The following NME7 variants were observed in gnomAD, a reference collection of about 807,000 sequenced individuals.
NME7 encodes nucleoside diphosphate kinase 7.
A neutral mutation model predicts 49.1 loss-of-function variants in NME7; 41 were observed. The observed-to-expected ratio is 0.83, with a 90% CI of 0.65 to 1.08. The LOEUF (loss-of-function observed/expected upper bound fraction) is 1.08. Ranked by LOEUF, NME7 falls within the 50% of genes least tolerant of loss-of-function variation. The pLI, the probability that NME7 is intolerant of heterozygous loss-of-function variation, is 0.00. For synonymous variants in NME7, 139 were observed against 150.6 expected (o/e 0.92, Z 0.56); for missense variants, 423 against 463.4 (o/e 0.91, Z 0.80).
At chr1:169,136,929 T>G (rs779431127) in intron 11 of NME7, among the ~76,000 whole-genome samples, 1 of 152,228 alleles carries the variant, frequency 6.6e-6, no homozygotes, top group Non-Finnish European at 1.5e-5. Context: ...CAGAAATGCC[T>G]ATGGAGTTAT....
intron 10 of NME7, among the ~76,000 whole-genome samples, chr1:169,215,445 G>C (rs1216739108): frequency 1.3e-5 from 2 of 152,196 alleles, no homozygotes; most frequent in African/African-American, 4.8e-5. Context: ...CGGGTTTCAG[G>C]TTTTTTGGCT....
At chr1:169,309,072 C>A (rs1251181821) in intron 4 of NME7, among the ~76,000 whole-genome samples, 3 of 152,030 alleles carry the variant, frequency 2.0e-5, no homozygotes, top group Non-Finnish European at 4.4e-5. Context: ...AATTATCAAG[C>A]ACTGGTGTTA....
intron 4 of NME7, among the ~76,000 whole-genome samples, chr1:169,304,805 A>G (rs978706145): frequency 6.6e-6 from 1 of 152,192 alleles, no homozygotes; most frequent in Non-Finnish European, 1.5e-5. Flanking sequence ...TGCTCTTGCT[A>G]CTACTAACTG....
intron 9 of NME7, among the ~76,000 whole-genome samples, chr1:169,231,074 A>C (rs1186538877): frequency 6.6e-6 from 1 of 152,160 alleles, no homozygotes; most frequent in Non-Finnish European, 1.5e-5. Flanking sequence ...ATTTGGAATG[A>C]TCTTCTAGTA....
chr1:169,228,041 TACACACACAC>T (rs72257273), intron 10 of NME7, among the ~76,000 whole-genome samples: 10 of 147,128 alleles, frequency 6.8e-5, no homozygotes, highest in Non-Finnish European at 1.0e-4. Flanking sequence ...TATGTGTGTA[TACACACACAC>T]ACACACACAC....
intron 11 of NME7, among the ~76,000 whole-genome samples, chr1:169,150,030 G>T (rs1658864675): frequency 1.3e-5 from 2 of 152,040 alleles, no homozygotes; most frequent in Admixed American, 1.3e-4. Context: ...TTTATTAGCT[G>T]GGCATGGTGG....
rs376063969 is a variant in NME7 at position 169,275,403 on chromosome 1, C to T, written c.754+11900G>A. 2.9e-3 allele frequency among the ~76,000 whole-genome samples: 341 copies of T among 116,982 alleles called. 34 individuals are homozygous for T. The highest frequency in any genetic ancestry group is 8.3e-3 in the African/African-American group (289 of 34,854). 76.7% of individuals were successfully genotyped at this position (116,982 alleles called of 152,430 possible). On this transcript the variant is annotated intron_variant, in intron 7 of 11. Coordinates refer to ENST00000367811, the MANE Select transcript of NME7 (RefSeq NM_013330.5). ...CTGAGGCAGGAGAATGGCGTGAACC[C>T]GGGAGGCGGAGCTTGCAGTGAGTCG...
chr1:169,288,940 A>C (rs183238379), intron 6 of NME7, among the ~76,000 whole-genome samples: 65 of 152,262 alleles, frequency 4.3e-4, no homozygotes, highest in Non-Finnish European at 8.8e-4. Flanking sequence ...ATAGAGTAGC[A>C]AACTAGAAAG....
chr1:169,354,141 C>G (rs991474310), intron 1 of NME7, among the ~76,000 whole-genome samples: 2 of 152,078 alleles, frequency 1.3e-5, no homozygotes, highest in Non-Finnish European at 2.9e-5. Flanking sequence ...AATTTGGAAG[C>G]AACCTAAGTG....
intron 10 of NME7, among the ~76,000 whole-genome samples, chr1:169,189,512 T>C (rs1038842654): frequency 3.9e-5 from 6 of 152,278 alleles, no homozygotes; most frequent in African/African-American, 1.4e-4. Context: ...AATTCAGCTT[T>C]CGCAACAGGA....
At chr1:169,211,002 T>A (rs965878754) in intron 10 of NME7, among the ~76,000 whole-genome samples, 9 of 149,514 alleles carry the variant, frequency 6.0e-5, no homozygotes, top group South Asian at 2.1e-4. Context: ...TTTTTTTTTT[T>A]AATTTTTCTT....
At chr1:169,243,919 T>A (rs1335503714) in intron 7 of NME7, among the ~76,000 whole-genome samples, 1 of 152,144 alleles carries the variant, frequency 6.6e-6, no homozygotes, top group East Asian at 1.9e-4. Flanking sequence ...AACTAGTAAG[T>A]GATAGAACTG....
chr1:169,181,987 C>A (rs145726328), intron 10 of NME7, among the ~76,000 whole-genome samples: 1 of 152,038 alleles, frequency 6.6e-6, no homozygotes, highest in Non-Finnish European at 1.5e-5. Flanking sequence ...CAATTTCATT[C>A]ACTACTATCA....
At chr1:169,202,339 AC>A (rs1557985732) in intron 10 of NME7, among the ~76,000 whole-genome samples, 3 of 151,540 alleles carry the variant, frequency 2.0e-5, no homozygotes, top group Admixed American at 2.0e-4. Context: ...AGTGTATGGC[AC>A]CCCCCTCCCC....
chr1:169,301,392 A>T (rs1429450352), intron 5 of NME7, among the ~76,000 whole-genome samples: 2 of 152,214 alleles, frequency 1.3e-5, no homozygotes, highest in Non-Finnish European at 2.9e-5. Flanking sequence ...CACACCAGTC[A>T]GAATGGTTAT....
chr1:169,240,709 ATTCAT>A (rs144859786), intron 7 of NME7, among the ~76,000 whole-genome samples: 15,596 of 151,978 alleles, frequency 0.1, 833 homozygotes, highest in Admixed American at 0.12. Flanking sequence ...CCAAATGCTG[ATTCAT>A]TTCATTATAC....
intron 7 of NME7, among the ~76,000 whole-genome samples, chr1:169,256,075 G>C (rs1387841921): frequency 7.6e-6 from 1 of 132,308 alleles, no homozygotes; most frequent in Non-Finnish European, 1.8e-5. Context: ...TATCTTTGTG[G>C]CATTCTCTGT....
chr1:169,219,668 G>A (rs1481140994), intron 10 of NME7, among the ~76,000 whole-genome samples: 1 of 152,116 alleles, frequency 6.6e-6, no homozygotes, highest in Non-Finnish European at 1.5e-5. Context: ...TAAAGTAGCT[G>A]GGACTATAGG....
At chr1:169,341,205 C>A (rs752931964) in intron 1 of NME7, among the ~76,000 whole-genome samples, 1 of 152,146 alleles carries the variant, frequency 6.6e-6, no homozygotes, top group Non-Finnish European at 1.5e-5. Flanking sequence ...GGGCGTGACA[C>A]CCTAAGTCTC....
Sources: gnomAD v4.1 joint callset for allele counts (sites outside exome capture counted in the v4.1 genomes callset) on GRCh38, gnomAD v4.1.1 for gene constraint, MANE v1.5 for transcripts, NCBI Gene and HGNC (gene_info 2026-07-23, HGNC 2026-07-21) for gene names.